TAF1C: variants seen among roughly 807,000 people sequenced by gnomAD.
TAF1C encodes TATA-box binding protein associated factor, RNA polymerase I subunit C.
TAF1C carries 79 observed loss-of-function variants against 70.5 expected under a neutral mutation model. That is an observed-to-expected ratio of 1.12 (90% confidence interval 0.93 to 1.35). TAF1C has a LOEUF of 1.35. TAF1C is among the 40% of genes most tolerant of loss of function. The probability of loss-of-function intolerance (pLI) is 0.00; values close to 1 mark genes in which losing one functional copy is unlikely to be tolerated. For synonymous variants in TAF1C, 614 were observed against 491.1 expected (o/e 1.25, Z -3.31); for missense variants, 1,412 against 1,127.8 (o/e 1.25, Z -3.61).
intron 12 of TAF1C, chr16:84,180,815 C>G: frequency 7.3e-7 from 1 of 1,370,216 alleles, no homozygotes; most frequent in Non-Finnish European, 9.4e-7. Context: ...CCACCCCTGG[C>G]TGCACCTCGA....
In TAF1C at chr16:84,179,936, C is replaced by CT. The variant is rs763748022; in HGVS notation, c.1621+9_1621+10insA. The CT allele has an allele frequency of 1.3e-6, 2 of 1,536,456 alleles. No individual in the cohort carries two copies. Among genetic ancestry groups the CT allele is most frequent in the Non-Finnish European group, 1.8e-6 (2 of 1,139,816 alleles). On this transcript the variant is annotated intron_variant, in intron 14 of 14. Coordinates refer to ENST00000566732, the MANE Select transcript of TAF1C (RefSeq NM_001243156.2). Reference sequence around the variant, plus strand: ...TGCGCCCCCCAAGCTCACTCCCCCACCCAGCACACCTATGGTCGGTGCTTT... The same window carrying CT: ...TGCGCCCCCCAAGCTCACTCCCCCACTCCAGCACACCTATGGTCGGTGCTTT...
rs553705800 is a variant in TAF1C at position 84,180,256 on chromosome 16, C to T, written c.1397G>A (p.Arg466Gln). ...HGLPSPLLLA[R>Q]LLPPPRPSCV... ...GCTGGGCCGGGGCGGAGGCAGCAGTCGGGCCAGCAGGAGCGGGGAGGGGAG... is the reference window on the plus strand; with the variant it reads ...GCTGGGCCGGGGCGGAGGCAGCAGTTGGGCCAGCAGGAGCGGGGAGGGGAG... The change falls in exon 13 of 15, where the codon CGA becomes CAA. Residue 466 changes from arginine (R) to glutamine (Q), a missense_variant. Coordinates refer to ENST00000566732, the MANE Select transcript of TAF1C (RefSeq NM_001243156.2). 61 of 1,543,630 alleles carry T rather than the reference C, an allele frequency of 4.0e-5. No individual in the cohort carries two copies. Among genetic ancestry groups the T allele is most frequent in the Middle Eastern group, 1.7e-4 (1 of 5,908 alleles).
rs2088846747 is a variant in TAF1C at position 84,178,138 on chromosome 16, A to C, written c.*803T>G. On this transcript the variant is annotated 3_prime_UTR_variant, in exon 15 of 15. Transcript: ENST00000566732. Reference sequence around the variant, plus strand: ...GAGGAAGAGGGACTTGATGCTTTAGACATCAAAATGAGAAGGGGAGGGAGG... The same window carrying C: ...GAGGAAGAGGGACTTGATGCTTTAGCCATCAAAATGAGAAGGGGAGGGAGG... 1 of 399,978 alleles carries C rather than the reference A, an allele frequency of 2.5e-6. No individual in the cohort carries two copies. Among genetic ancestry groups the C allele is most frequent in the Non-Finnish European group, 4.8e-6 (1 of 208,896 alleles). 24.8% of individuals were successfully genotyped at this position (399,978 alleles called of 1,614,324 possible). A position where few individuals can be genotyped will look rare whatever the true frequency, so the allele number is the denominator to read the frequency against.
At chr16:84,180,518 G>T in intron 12 of TAF1C, 174 bp from the exon 13 acceptor site, 2 of 687,096 alleles carry the variant, frequency 2.9e-6, no homozygotes, top group Non-Finnish European at 2.3e-6. Context: ...AACAGGTGCC[G>T]CTTCCTTCAC....
Position 84,184,834 on chromosome 16 carries a change from C to A in TAF1C, c.138+17G>T. 6.3e-7 allele frequency: 1 copy of A among 1,588,556 alleles called. No homozygotes were observed. The highest frequency in any genetic ancestry group is 2.3e-5 in the East Asian group (1 of 43,442). On this transcript the variant is annotated intron_variant, in intron 2 of 14. Coordinates refer to ENST00000566732, the MANE Select transcript of TAF1C (RefSeq NM_001243156.2). ...GATGTCCCTGGAGCTGCCAGGGCCC[C>A]CTGCCTGCATCCTCACCTCTGAGTT... is the stretch of plus-strand genomic sequence containing the variant.
Position 84,184,831 on chromosome 16 carries a change from C to T in TAF1C, c.138+20G>A, listed in dbSNP as rs771985307. ...AGGGATGTCCCTGGAGCTGCCAGGG[C>T]CCCCTGCCTGCATCCTCACCTCTGA... On this transcript the variant is annotated intron_variant, in intron 2 of 14. Coordinates refer to ENST00000566732, the MANE Select transcript of TAF1C (RefSeq NM_001243156.2). 2.5e-6 allele frequency: 4 copies of T among 1,584,180 alleles called. No individual in the cohort carries two copies. The highest frequency in any genetic ancestry group is 3.6e-5 in the Admixed American group (2 of 55,074).
At chr16:84,184,797 A>C in intron 2 of TAF1C, 54 bp downstream of exon 2, 1 of 1,536,910 alleles carries the variant, frequency 6.5e-7, no homozygotes, top group African/African-American at 1.4e-5. Context: ...GAGACGGGGG[A>C]CCCAGGGAAG....
Position 84,179,701 on chromosome 16 carries a change from G to A in TAF1C, c.1772C>T (p.Thr591Ile). The A allele has an allele frequency of 6.2e-7, 1 of 1,612,452 alleles. No homozygotes were observed. Among genetic ancestry groups the A allele is most frequent in the Non-Finnish European group, 8.5e-7 (1 of 1,179,920 alleles). The change falls in exon 15 of 15, where the codon ACC becomes ATC. Residue 591 changes from threonine to isoleucine, a missense_variant. Physicochemically the swap from Thr to Ile is moderately conservative, Grantham distance 89. Transcript: ENST00000566732. ...LRRDAGPPGD[T>I]QPDCHAPTAS... ...TGTGGGGGCATGGCAGTCAGGTTGG[G>A]TGTCGCCAGGAGGCCCAGCATCTCT...
rs546724835 is a variant in TAF1C at position 84,182,258 on chromosome 16, C to A, written c.665G>T (p.Arg222Met). ...GACCAGCTGCCCGAACTGGGGTGTC[C>A]TTCCAGGAACCCAGGCCAGCGCGCC... The part of the protein sequence containing the change: ...TGGALAWVPG[R>M]TPQFGQLVYP... The change falls in exon 7 of 15, where the codon AGG (arginine) becomes ATG (methionine). Residue 222 changes from arginine (R) to methionine (M), a missense_variant. Arg to Met is a moderately conservative substitution (Grantham distance 91, BLOSUM62 -1). Coordinates refer to ENST00000566732, the MANE Select transcript of TAF1C (RefSeq NM_001243156.2). This position sits in a 1 kb window ranked among gnomAD's most constrained non-coding sequence, Gnocchi z 5.0. The A allele has an allele frequency of 5.1e-5, 82 of 1,613,046 alleles. No homozygotes were observed. In the East Asian group the frequency reaches 1.3e-3, roughly 26 times the overall value.
intron 12 of TAF1C, 30 bp downstream of exon 12, chr16:84,181,013 T>A: frequency 6.3e-7 from 1 of 1,581,040 alleles, no homozygotes; most frequent in Admixed American, 1.7e-5. Flanking sequence ...AGAGCAGAGG[T>A]GGGGCGGGGC....
At chr16:84,180,822 T>A in intron 12 of TAF1C, 1 of 1,344,546 alleles carries the variant, frequency 7.4e-7, no homozygotes. Context: ...TGGCTGCACC[T>A]CGAAGCTCTA....
intron 6 of TAF1C, 36 bp downstream of exon 6, chr16:84,183,040 G>A: frequency 6.2e-7 from 1 of 1,607,918 alleles, no homozygotes; most frequent in Non-Finnish European, 8.5e-7. Flanking sequence ...CACCAGCTAT[G>A]CCTATCCATC....
At chr16:84,180,501 A>C in intron 12 of TAF1C, 157 bp from the exon 13 acceptor site, 2 of 751,890 alleles carry the variant, frequency 2.7e-6, no homozygotes, top group Non-Finnish European at 4.1e-6. Flanking sequence ...TTCACCTGCC[A>C]GCCCTGAACA....
chr16:84,181,070 G>C lies in TAF1C; in HGVS notation c.1281C>G (p.Pro427=), dbSNP rs559989043. 1.1e-5 allele frequency: 17 copies of C among 1,611,976 alleles called. No homozygotes were observed. Among genetic ancestry groups the C allele is most frequent in the Non-Finnish European group, 1.4e-5 (17 of 1,178,356 alleles). ...YLGHSSPKCL[P]PTLHLVCTQF... Reference sequence around the variant, plus strand: ...GGGTACAGACGAGATGAAGAGTAGGGGGGAGGCATTTGGGGCTGGAGTGCC... The same window carrying C: ...GGGTACAGACGAGATGAAGAGTAGGCGGGAGGCATTTGGGGCTGGAGTGCC... Residue 427 remains proline, a synonymous_variant, in exon 12 of 15, where the codon CCC becomes CCG. Coordinates refer to ENST00000566732, the MANE Select transcript of TAF1C (RefSeq NM_001243156.2).
rs758876452 is a variant in TAF1C at position 84,180,177 on chromosome 16, G to A, written c.1476C>T (p.His492=). ...CCTGGCCTGGACCCTCACCTGCCAGGTGCAGCAGCTGCAGCTGCCCACCCT... is the reference window on the plus strand; with the variant it reads ...CCTGGCCTGGACCCTCACCTGCCAGATGCAGCAGCTGCAGCTGCCCACCCT... ...GGQGGQLQLL[H]LAGEGASVPR... Residue 492 remains histidine (H), a synonymous_variant, in exon 13 of 15, where the codon CAC becomes CAT. Transcript: ENST00000566732. 2.6e-6 allele frequency: 4 copies of A among 1,552,550 alleles called. No individual in the cohort carries two copies. The highest frequency in any genetic ancestry group is 1.4e-5 in the African/African-American group (1 of 72,344).
rs370490748 is a variant in TAF1C at position 84,180,288 on chromosome 16, G to T, written c.1365C>A (p.Asn455Lys). 3.0e-5 allele frequency: 46 copies of T among 1,549,670 alleles called. No homozygotes were observed. Among genetic ancestry groups the T allele is most frequent in the Non-Finnish European group, 4.0e-5 (46 of 1,148,402 alleles). ...GCAGGAGCGGGGAGGGGAGGCCATG[G>T]TTCCACTTCAGCATCGGCACCAGGG... ...RLPLVPMLKW[N>K]HGLPSPLLLA... The change falls in exon 13 of 15, where the codon AAC becomes AAA. Residue 455 changes from asparagine (N) to lysine (K), a missense_variant. Asn to Lys is a moderately conservative substitution (Grantham distance 94, BLOSUM62 0). Transcript: ENST00000566732.
chr16:84,180,671 G>T, intron 12 of TAF1C: 1 of 756,514 alleles, frequency 1.3e-6, no homozygotes, highest in Non-Finnish European at 1.9e-6. Flanking sequence ...GCCTGTGCTC[G>T]AGGCACGCCT....
At position 84,181,784 on chromosome 16, in the gene TAF1C, T is replaced by G. The variant is rs2230127; in HGVS notation, c.918A>C (p.Ala306=). ...GKQWQPTLLQ[A]MQVEKGATGI... is the part of the protein sequence containing the mutation. The stretch of plus-strand genomic sequence containing the variant: ...CCGTGGCCCCTTTCTCCACCTGCAT[T>G]GCCTGCAGAAGGGTTGGCTGCCACT... Residue 306 remains alanine, a synonymous_variant, in exon 9 of 15, where the codon GCA becomes GCC. Coordinates refer to ENST00000566732, the MANE Select transcript of TAF1C (RefSeq NM_001243156.2). 1.9e-6 allele frequency: 3 copies of G among 1,613,756 alleles called. No individual in the cohort carries two copies. The highest frequency in any genetic ancestry group is 3.3e-5 in the Admixed American group (2 of 59,982).
At chr16:84,180,723 C>T (rs1028172351) in intron 12 of TAF1C, 7 of 1,108,832 alleles carry the variant, frequency 6.3e-6, no homozygotes, top group African/African-American at 3.2e-5. Context: ...AGACCTGCTT[C>T]CTCAGAGCCC....
Sources: gnomAD v4.1 joint callset for allele counts on GRCh38, gnomAD v4.1.1 for gene constraint, Gnocchi (gnomAD v3.1) non-coding constraint, MANE v1.5 for transcripts, NCBI Gene and HGNC (gene_info 2026-07-23, HGNC 2026-07-21) for gene names.